PITPNA: variants seen among roughly 807,000 people sequenced by gnomAD.
The protein encoded by PITPNA is phosphatidylinositol transfer protein alpha isoform.
Under a neutral mutation model 50.3 loss-of-function variants are expected in PITPNA, and 13 were observed. The observed-to-expected ratio is 0.26, with a 90% CI of 0.17 to 0.41. The LOEUF is 0.41. PITPNA is among the 10% of genes least tolerant of loss of function. The probability of loss-of-function intolerance (pLI) is 1.00; values close to 1 mark genes in which losing one functional copy is unlikely to be tolerated. For missense variants in PITPNA, 207 were observed against 333.4 expected, an observed-to-expected ratio of 0.62 and a Z score of 2.95; for synonymous variants, 120 against 119.6, an observed-to-expected ratio of 1.00 and a Z score of -0.02.
chr17:1,534,092 C>A lies in PITPNA; in HGVS notation c.768+7G>T. On this transcript the variant is annotated splice_region_variant and intron_variant, in intron 10 of 11. Transcript: ENST00000313486. ...TCTAATTGAGAGCCCCCAGAGCCCC[C>A]ACTTACTTCATCCAGCTGTCTCTTC... The A allele has an allele frequency of 6.2e-7, 1 of 1,613,722 alleles. No individual in the cohort carries two copies. The highest frequency in any genetic ancestry group is 1.7e-5 in the Admixed American group (1 of 60,018).
intron 10 of PITPNA, among the ~76,000 whole-genome samples, chr17:1,524,530 G>A (rs1412052632): frequency 3.3e-5 from 5 of 152,074 alleles, no homozygotes; most frequent in African/African-American, 9.7e-5. Context: ...AAAGTGCTTA[G>A]ATTACAGGTT....
At chr17:1,546,006 T>TA (rs1021320785) in intron 4 of PITPNA, among the ~76,000 whole-genome samples, 1 of 148,372 alleles carries the variant, frequency 6.7e-6, no homozygotes, top group African/African-American at 2.5e-5. Flanking sequence ...CGGCTCACTG[T>TA]AACCTCCGCC....
intron 5 of PITPNA, 135 bp from the exon 6 acceptor site, chr17:1,541,775 A>T (rs1300079041): frequency 1.4e-6 from 1 of 722,636 alleles, no homozygotes; most frequent in Admixed American, 2.0e-5. Flanking sequence ...AATAACAGTT[A>T]ACTTGACTGG....
At chr17:1,555,542 G>A (rs1019412208) in intron 2 of PITPNA, among the ~76,000 whole-genome samples, 6 of 152,200 alleles carry the variant, frequency 3.9e-5, no homozygotes, top group Non-Finnish European at 7.3e-5. Context: ...CCTCAGACCT[G>A]CGATGATGTT....
rs754139606 is a variant in PITPNA, at chr17:1,534,184, A to G, written c.683T>C (p.Leu228Pro). The change falls in exon 10 of 12, where the codon CTG (leucine) becomes CCG (proline). Residue 228 changes from leucine to proline, a missense_variant. By Grantham distance (98) the Leu-to-Pro change is moderately conservative (BLOSUM62 -3). Coordinates refer to ENST00000313486, the MANE Select transcript of PITPNA (RefSeq NM_006224.4). ...AACCCACTTATCGAGCCAACAGAAC[A>G]GCTGCCTGTGGAAGTTTGTAAACAG... ...RRLFTNFHRQ[L>P]FCWLDKWVDL... is the part of the protein sequence containing the mutation. The G allele has an allele frequency of 6.2e-7, 1 of 1,613,916 alleles. No individual in the cohort carries two copies. Among genetic ancestry groups the G allele is most frequent in the Admixed American group, 1.7e-5 (1 of 60,030 alleles).
At position 1,548,378 on chromosome 17, in the gene PITPNA, G is replaced by A. The variant is rs1383144560; in HGVS notation, c.207C>T (p.Pro69=). The change falls in exon 4 of 12, where the codon CCC becomes CCT. Residue 69 remains proline (P), a synonymous_variant. Transcript: ENST00000313486. ...CTGGGGCCAGCATTCGAACAAACGT[G>A]GGTACTTTGCTATAGCGGGGAAAAA... ...HKIYHLQSKV[P]TFVRMLAPEG... 4 of 1,603,806 alleles carry A rather than the reference G, an allele frequency of 2.5e-6. No homozygotes were observed. The highest frequency in any genetic ancestry group is 3.4e-6 in the Non-Finnish European group (4 of 1,175,542).
chr17:1,534,643 C>G (rs1247110992), intron 9 of PITPNA, among the ~76,000 whole-genome samples: 1 of 152,230 alleles, frequency 6.6e-6, no homozygotes, highest in African/African-American at 2.4e-5. Context: ...TTAAAAGGCT[C>G]TAAAACTCCT....
intron 4 of PITPNA, among the ~76,000 whole-genome samples, chr17:1,547,473 A>C (rs990572119): frequency 6.6e-6 from 1 of 152,044 alleles, no homozygotes; most frequent in African/African-American, 2.4e-5. Flanking sequence ...AACATGGTGA[A>C]ACACCGTCTC....
At position 1,517,845 on chromosome 17, in the gene PITPNA, T is replaced by C. The variant is rs1311807249; in HGVS notation, c.*2716A>G. On this transcript the variant is annotated 3_prime_UTR_variant, in exon 12 of 12. Transcript: ENST00000313486. ...TAAGTAAACTGACACGGGACTATTA[T>C]ATGCAGAAATCCACGTGCAAAAATT... 6.6e-6 allele frequency: 1 copy of C among 152,412 alleles called. No individual in the cohort carries two copies. Among genetic ancestry groups the C allele is most frequent in the Non-Finnish European group, 1.5e-5 (1 of 68,034 alleles). 9.4% of individuals were successfully genotyped at this position (152,412 alleles called of 1,614,324 possible).
intron 10 of PITPNA, among the ~76,000 whole-genome samples, chr17:1,525,842 A>G (rs2075544609): frequency 6.6e-6 from 1 of 152,042 alleles, no homozygotes; most frequent in Non-Finnish European, 1.5e-5. Context: ...TTAAAAGACA[A>G]CTCTGTGATG....
intron 3 of PITPNA, among the ~76,000 whole-genome samples, chr17:1,548,590 A>G (rs2075691199): frequency 6.6e-6 from 1 of 152,052 alleles, no homozygotes; most frequent in African/African-American, 2.4e-5. Context: ...GACGTGCCCC[A>G]CCAGCCACCA....
intron 2 of PITPNA, among the ~76,000 whole-genome samples, chr17:1,557,945 C>T (rs2075744932): frequency 6.6e-6 from 1 of 152,286 alleles, no homozygotes. Flanking sequence ...AATAATGCGT[C>T]CCCGGCCGGG....
intron 3 of PITPNA, among the ~76,000 whole-genome samples, chr17:1,549,156 T>C (rs2075694485): frequency 6.6e-6 from 1 of 152,060 alleles, no homozygotes; most frequent in South Asian, 2.1e-4. Context: ...TCCACCCACC[T>C]TGGCCTCCCA....
rs749980741 is a variant in PITPNA at position 1,521,568 on chromosome 17, T to C, written c.*22+11A>G. On this transcript the variant is annotated intron_variant, in intron 11 of 11. Coordinates refer to ENST00000313486, the MANE Select transcript of PITPNA (RefSeq NM_006224.4). ...GTCTGTGACACGCACAGTGAGAAAT[T>C]TGGTACGTACAGTGCAGAGGGGAAA... The C allele has an allele frequency of 4.5e-5, 72 of 1,590,684 alleles. 2 individuals carry two copies. The South Asian group carries it at 7.3e-4, about 16-fold the overall frequency.
At chr17:1,552,902 A>C in intron 3 of PITPNA, 102 bp downstream of exon 3, 1 of 1,171,672 alleles carries the variant, frequency 8.5e-7, no homozygotes, top group South Asian at 1.4e-5. Context: ...GTTAGGATAT[A>C]ACAATTAGTA....
At chr17:1,557,190 G>A (rs1488928537) in intron 2 of PITPNA, among the ~76,000 whole-genome samples, 1 of 151,754 alleles carries the variant, frequency 6.6e-6, no homozygotes, top group Non-Finnish European at 1.5e-5. Context: ...CCCACCTCTG[G>A]CCCCCTCCCC....
chr17:1,559,895 G>A (rs1328779282), intron 1 of PITPNA: 3 of 420,230 alleles, frequency 7.1e-6, no homozygotes, highest in African/African-American at 6.5e-5. Flanking sequence ...CTGCCAGTGA[G>A]CCTCCCCTCC....
At chr17:1,535,366 C>A in intron 8 of PITPNA, 74 bp from the exon 9 acceptor site, 1 of 1,501,540 alleles carries the variant, frequency 6.7e-7, no homozygotes. Context: ...CTCACCCCAG[C>A]CATGCCCCTC....
Position 1,542,028 on chromosome 17 carries a change from C to T in PITPNA, c.298-388G>A, listed in dbSNP as rs902577852. Among the ~76,000 whole-genome samples the T allele has an allele frequency of 6.6e-6, 1 of 151,816 alleles. No homozygotes were observed. Among genetic ancestry groups the T allele is most frequent in the Admixed American group, 6.6e-5 (1 of 15,232 alleles). On this transcript the variant is annotated intron_variant, in intron 5 of 11. Coordinates refer to ENST00000313486, the MANE Select transcript of PITPNA (RefSeq NM_006224.4). ...CAGTCTGGCCAACAGTGGTGAAACCCGTCTCTACTAAAAATACAAAAATTA... is the reference window on the plus strand; with the variant it reads ...CAGTCTGGCCAACAGTGGTGAAACCTGTCTCTACTAAAAATACAAAAATTA...
Sources: allele counts gnomAD v4.1 joint callset (sites outside exome capture counted in the v4.1 genomes callset), GRCh38; gene constraint gnomAD v4.1.1; transcripts MANE v1.5; gene names NCBI Gene and HGNC (gene_info 2026-07-23, HGNC 2026-07-21).